Variants in PDS5A observed in about 807,000 individuals in gnomAD.
PDS5A encodes the protein sister chromatid cohesion protein PDS5 homolog A.
Under a neutral mutation model 167.1 loss-of-function variants are expected in PDS5A, and 42 were observed. The ratio of observed to expected loss-of-function variants is 0.25; its 90% CI spans 0.20 to 0.33. PDS5A has a LOEUF of 0.33. Ranked by LOEUF, PDS5A falls within the 10% of genes least tolerant of loss-of-function variation. PDS5A has a pLI of 1.00. For missense variants in PDS5A, 1,033 were observed against 1,605.9 expected (o/e 0.64, Z 6.10); for synonymous variants, 553 against 554.6 (o/e 1.00, Z 0.04).
At chr4:39,845,240 T>C (rs1019245720) in intron 29 of PDS5A, among the ~76,000 whole-genome samples, 1 of 152,148 alleles carries the variant, frequency 6.6e-6, no homozygotes, top group Non-Finnish European at 1.5e-5. Flanking sequence ...AAATTGTGTT[T>C]GGTTGCCTTA....
intron 10 of PDS5A, among the ~76,000 whole-genome samples, chr4:39,909,274 G>A (rs12643155): frequency 0.25 from 37,276 of 151,684 alleles, 5,049 homozygotes; most frequent in East Asian, 0.44. Flanking sequence ...ACAGGCATCT[G>A]CCACCATGCC....
rs1397213328 is a variant in PDS5A, at chr4:39,926,166, T to C, written c.430-233A>G. On this transcript the variant is annotated intron_variant, in intron 4 of 32. Transcript: ENST00000303538. The stretch of plus-strand genomic sequence containing the variant: ...CTCAATATTTTTAAGTTGGTAGATA[T>C]ATTTCCATACAAAATTTAAGAAGCA... Among the ~76,000 whole-genome samples the C allele has an allele frequency of 2.6e-5, 4 of 152,062 alleles. No individual in the cohort carries two copies. The East Asian group carries it at 7.7e-4, about 29-fold the overall frequency.
At chr4:39,956,930 C>G (rs1350959494) in intron 2 of PDS5A, among the ~76,000 whole-genome samples, 1 of 152,186 alleles carries the variant, frequency 6.6e-6, no homozygotes, top group African/African-American at 2.4e-5. Flanking sequence ...GCCTCAGCCT[C>G]CCAAAGTGCT....
At position 39,830,896 on chromosome 4, in the gene PDS5A, A is replaced by C. The variant is rs141954755; in HGVS notation, c.4011-5408T>G. Among the ~76,000 whole-genome samples, 15 of 152,370 alleles carry C rather than the reference A, an allele frequency of 9.8e-5. No individual in the cohort carries two copies. The East Asian group carries it at 2.5e-3, about 25-fold the overall frequency. On this transcript the variant is annotated intron_variant, in intron 32 of 32. Transcript: ENST00000303538. ...AAAAGAGGTGAAAAAGATGAGTAGA[A>C]TTGGTCTAATTTAACCCGTGATTAT... is the stretch of plus-strand genomic sequence containing the variant.
At chr4:39,966,772 T>C (rs1730000502) in intron 2 of PDS5A, among the ~76,000 whole-genome samples, 1 of 151,884 alleles carries the variant, frequency 6.6e-6, no homozygotes, top group South Asian at 2.1e-4. Flanking sequence ...CCAAGCTGGG[T>C]GGATCACTTG....
intron 4 of PDS5A, among the ~76,000 whole-genome samples, chr4:39,926,478 A>G (rs1725476931): frequency 6.7e-6 from 1 of 149,376 alleles, no homozygotes; most frequent in Non-Finnish European, 1.5e-5. Context: ...AGATCACGCC[A>G]TTGCACTCCA....
intron 2 of PDS5A, among the ~76,000 whole-genome samples, chr4:39,939,497 T>A (rs140470620): frequency 2.0e-3 from 307 of 151,478 alleles, no homozygotes; most frequent in African/African-American, 7.2e-3. Flanking sequence ...AAATTTTTTT[T>A]AAATAGCTTT....
At chr4:39,959,651 A>G (rs938755133) in intron 2 of PDS5A, among the ~76,000 whole-genome samples, 1 of 152,126 alleles carries the variant, frequency 6.6e-6, no homozygotes, top group Non-Finnish European at 1.5e-5. Flanking sequence ...CATTAATTTT[A>G]TAACAGAAAA....
At chr4:39,954,720 G>A (rs150128797) in intron 2 of PDS5A, among the ~76,000 whole-genome samples, 2 of 139,946 alleles carry the variant, frequency 1.4e-5, no homozygotes, top group East Asian at 4.4e-4. Context: ...TGGACCAAAC[G>A]CTAAAGCTAT....
intron 16 of PDS5A, among the ~76,000 whole-genome samples, chr4:39,894,982 C>A (rs1722268872): frequency 6.6e-6 from 1 of 152,000 alleles, no homozygotes; most frequent in Admixed American, 6.6e-5. Context: ...AATCCCAGCA[C>A]TTTGGGAGGC....
At chr4:39,961,315 T>C (rs1384704062) in intron 2 of PDS5A, among the ~76,000 whole-genome samples, 1 of 152,198 alleles carries the variant, frequency 6.6e-6, no homozygotes, top group Non-Finnish European at 1.5e-5. Context: ...TTTATTTTTT[T>C]TGAGATGGAG....
chr4:39,833,772 G>C (rs910205710), intron 32 of PDS5A, among the ~76,000 whole-genome samples: 2 of 152,048 alleles, frequency 1.3e-5, no homozygotes, highest in Non-Finnish European at 2.9e-5. Context: ...AATTCATCTT[G>C]TTTCTGCCGA....
chr4:39,893,302 C>T (rs1448419276), intron 16 of PDS5A, among the ~76,000 whole-genome samples: 1 of 152,144 alleles, frequency 6.6e-6, no homozygotes, highest in Non-Finnish European at 1.5e-5. Context: ...AATTCCACTG[C>T]TCACTCTCAT....
In PDS5A at chr4:39,920,837, T is replaced by C. The variant is rs540159697; in HGVS notation, c.655-438A>G. Among the ~76,000 whole-genome samples, 11 of 152,356 alleles carry C rather than the reference T, an allele frequency of 7.2e-5. No individual in the cohort carries two copies. In the East Asian group the frequency reaches 2.1e-3, roughly 29 times the overall value. On this transcript the variant is annotated intron_variant, in intron 6 of 32. Transcript: ENST00000303538. The stretch of plus-strand genomic sequence containing the variant: ...GTGCTCTGGAGAAGAGTAGACCTGG[T>C]AAGCGTTTCAAATAAAAAGCGTTCT...
At chr4:39,841,508 C>T (rs1717013605) in intron 31 of PDS5A, among the ~76,000 whole-genome samples, 1 of 151,306 alleles carries the variant, frequency 6.6e-6, no homozygotes, top group African/African-American at 2.4e-5. Flanking sequence ...TAGGTGACCA[C>T]ACAAATTTTT....
intron 24 of PDS5A, 37 bp from the exon 25 acceptor site, chr4:39,863,110 T>C: frequency 6.7e-7 from 1 of 1,494,030 alleles, no homozygotes; most frequent in Non-Finnish European, 9.3e-7. Flanking sequence ...TGGCAACCAT[T>C]TATTAAATAA....
chr4:39,950,566 C>T (rs1728253379), intron 2 of PDS5A, among the ~76,000 whole-genome samples: 1 of 152,108 alleles, frequency 6.6e-6, no homozygotes, highest in Non-Finnish European at 1.5e-5. Flanking sequence ...AACCCCATCT[C>T]TACTAAAATA....
chr4:39,844,645 A>G lies in PDS5A; in HGVS notation c.3548+11T>C, dbSNP rs201115445. The G allele has an allele frequency of 1.5e-4, 237 of 1,600,202 alleles. 2 individuals carry two copies. The East Asian group carries it at 5.3e-3, about 36-fold the overall frequency. On this transcript the variant is annotated intron_variant, in intron 30 of 32. Transcript: ENST00000303538. ...AGTGCTAGTAACAAAATAATTGGAG[A>G]GAAAAGTTGCCTTGATCGATTTCCG...
intron 11 of PDS5A, among the ~76,000 whole-genome samples, chr4:39,906,929 A>AC (rs1723420630): frequency 1.3e-5 from 2 of 151,048 alleles, no homozygotes; most frequent in Non-Finnish European, 3.0e-5. Context: ...AAAAAAAAAA[A>AC]AAAAAAAAAA....
Sources: allele counts gnomAD v4.1 joint callset (sites outside exome capture counted in the v4.1 genomes callset), GRCh38; gene constraint gnomAD v4.1.1; transcripts MANE v1.5; gene names NCBI Gene and HGNC (gene_info 2026-07-23, HGNC 2026-07-21).